SLC12A6: variants seen among roughly 807,000 people sequenced by gnomAD.
SLC12A6 encodes the protein K-Cl cotransporter 3.
SLC12A6 carries 66 observed loss-of-function variants against 135.3 expected under a neutral mutation model. The ratio of observed to expected loss-of-function variants is 0.49; its 90% CI spans 0.40 to 0.60. The LOEUF (loss-of-function observed/expected upper bound fraction) is 0.60, where lower values mean the gene tolerates loss of function less well. SLC12A6 is among the 20% of genes least tolerant of loss of function. SLC12A6 has a pLI of 0.00. For missense variants in SLC12A6, 1,058 were observed against 1,452.3 expected, an observed-to-expected ratio of 0.73 and a Z score of 4.41; for synonymous variants, 513 against 508.8, an observed-to-expected ratio of 1.01 and a Z score of -0.11.
chr15:34,267,751 C>A (rs1041548151), intron 3 of SLC12A6, among the ~76,000 whole-genome samples: 2 of 152,166 alleles, frequency 1.3e-5, no homozygotes, highest in Admixed American at 6.5e-5. Context: ...ACTGAGAATT[C>A]TTCTGTCATT....
intron 25 of SLC12A6, 130 bp downstream of exon 25, chr15:34,235,051 G>T: frequency 1.1e-6 from 1 of 877,276 alleles, no homozygotes; most frequent in Non-Finnish European, 1.9e-6. Context: ...CCTTGCCTAG[G>T]ACTTTTAAGT....
At chr15:34,271,388 T>A (rs62972861) in intron 3 of SLC12A6, among the ~76,000 whole-genome samples, 152 of 144,006 alleles carry the variant, frequency 1.1e-3, no homozygotes, top group African/African-American at 3.8e-3. Flanking sequence ...TTTTTTTTTT[T>A]AATCTCATGT....
At chr15:34,255,562 G>A (rs984192882) in intron 7 of SLC12A6, among the ~76,000 whole-genome samples, 170 bp from the exon 8 acceptor site, 1 of 150,940 alleles carries the variant, frequency 6.6e-6, no homozygotes, top group African/African-American at 2.4e-5. Context: ...AGGTGAAAGT[G>A]TTATTGTGGG....
intron 9 of SLC12A6, among the ~76,000 whole-genome samples, chr15:34,253,212 A>G (rs866929302): frequency 1.3e-5 from 2 of 152,346 alleles, no homozygotes; most frequent in African/African-American, 4.8e-5. Context: ...ACTCAGCTTC[A>G]ACAACTCTCA....
intron 2 of SLC12A6, among the ~76,000 whole-genome samples, chr15:34,286,324 C>G (rs1895076072): frequency 6.6e-6 from 1 of 151,836 alleles, no homozygotes; most frequent in Non-Finnish European, 1.5e-5. Context: ...GATCTGCCCA[C>G]CTCAGCCTCC....
intron 2 of SLC12A6, among the ~76,000 whole-genome samples, chr15:34,314,429 A>G (rs565158437): frequency 5.8e-4 from 88 of 152,348 alleles, no homozygotes; most frequent in African/African-American, 2.0e-3. Context: ...CTGCTCTTCA[A>G]CAATGCACTG....
At position 34,236,791 on chromosome 15, in the gene SLC12A6, T is replaced by C. The variant is rs1193595368; in HGVS notation, c.2959A>G (p.Thr987Ala). The C allele has an allele frequency of 6.2e-7, 1 of 1,607,212 alleles. No homozygotes were observed. The highest frequency in any genetic ancestry group is 8.5e-7 in the Non-Finnish European group (1 of 1,173,802). ...EMHDSDISAY[T>A]YERTLMMEQR... ...TCCATCATCAAAGTGCGCTCGTAAG[T>C]ATATGCTGATATATCACTGTCATGC... Residue 987 changes from threonine to alanine, a missense_variant, in exon 23 of 26, where the codon ACT (threonine) becomes GCT (alanine). Physicochemically the swap from Thr to Ala is moderately conservative, Grantham distance 58. Around this residue, in one of 6 missense-constraint regions of SLC12A6, gnomAD observed 245 missense variants for 440.8 expected, o/e 0.56. Transcript: ENST00000354181.
intron 2 of SLC12A6, among the ~76,000 whole-genome samples, chr15:34,297,876 C>T (rs923936726): frequency 2.6e-5 from 4 of 152,084 alleles, no homozygotes; most frequent in African/African-American, 9.7e-5. Flanking sequence ...GGCAAGGAAA[C>T]ATGAGTACAA....
chr15:34,249,606 G>C lies in SLC12A6; in HGVS notation c.1649+692C>G, dbSNP rs567076885. Among the ~76,000 whole-genome samples the C allele has an allele frequency of 1.3e-4, 20 of 152,070 alleles. No individual in the cohort carries two copies. In the South Asian group the frequency reaches 4.1e-3, roughly 32 times the overall value. Reference sequence around the variant, plus strand: ...GAAAAGAAAAGAAGAGAAGAGAAAAGAACAGAATATGAAGAAAGTAAGTTT... The same window carrying C: ...GAAAAGAAAAGAAGAGAAGAGAAAACAACAGAATATGAAGAAAGTAAGTTT... On this transcript the variant is annotated intron_variant, in intron 13 of 25. Transcript: ENST00000354181.
At position 34,330,097 on chromosome 15, in the gene SLC12A6, C is replaced by A. The variant is rs540391569; in HGVS notation, c.271+6313G>T. Among the ~76,000 whole-genome samples, 28 of 152,252 alleles carry A rather than the reference C, an allele frequency of 1.8e-4. 1 individual carries two copies. Among genetic ancestry groups the A allele is most frequent in the African/African-American group, 5.8e-4 (24 of 41,534 alleles). On this transcript the variant is annotated intron_variant, in intron 2 of 25. Transcript: ENST00000354181. ...CATGTACATGTTCAAATTTCCCCCA[C>A]TCGTCTCAAAAGTATCTTTTTTCAA...
intron 2 of SLC12A6, among the ~76,000 whole-genome samples, chr15:34,331,597 A>G (rs1384937969): frequency 6.6e-6 from 1 of 152,212 alleles, no homozygotes; most frequent in African/African-American, 2.4e-5. Flanking sequence ...ATGTATATTT[A>G]TGGTGTACAA....
chr15:34,263,301 T>TC (rs1387294554), intron 3 of SLC12A6, among the ~76,000 whole-genome samples: 1 of 152,024 alleles, frequency 6.6e-6, no homozygotes, highest in Non-Finnish European at 1.5e-5. Context: ...TGCTTATAGT[T>TC]CTAGCTATTC....
intron 21 of SLC12A6, among the ~76,000 whole-genome samples, chr15:34,237,904 C>T (rs534834617): frequency 3.3e-5 from 5 of 152,126 alleles, no homozygotes; most frequent in African/African-American, 7.2e-5. Flanking sequence ...ACGGAATGAG[C>T]GCATATATGC....
intron 2 of SLC12A6, among the ~76,000 whole-genome samples, chr15:34,333,873 C>G (rs1009566875): frequency 1.3e-4 from 20 of 151,758 alleles, no homozygotes; most frequent in Admixed American, 1.1e-3. Flanking sequence ...GAGTTTGAGA[C>G]CAGGTTGACT....
chr15:34,263,615 T>C (rs1893305514), intron 3 of SLC12A6, among the ~76,000 whole-genome samples: 1 of 151,988 alleles, frequency 6.6e-6, no homozygotes, highest in Non-Finnish European at 1.5e-5. Flanking sequence ...TGTTTCATTA[T>C]TATGCAAAAG....
chr15:34,302,172 A>G (rs1348381487), intron 2 of SLC12A6, among the ~76,000 whole-genome samples: 1 of 152,248 alleles, frequency 6.6e-6, no homozygotes, highest in African/African-American at 2.4e-5. Flanking sequence ...AACACTGAGA[A>G]GATGGTGAGA....
chr15:34,290,282 G>A (rs550580236), intron 2 of SLC12A6, among the ~76,000 whole-genome samples: 2 of 152,286 alleles, frequency 1.3e-5, no homozygotes, highest in Admixed American at 1.3e-4. Flanking sequence ...ATGTAGTTGC[G>A]TGGTTTTGAG....
chr15:34,317,669 T>C (rs1217961347), intron 2 of SLC12A6, among the ~76,000 whole-genome samples: 1 of 152,082 alleles, frequency 6.6e-6, no homozygotes, highest in African/African-American at 2.4e-5. Flanking sequence ...CCCCACTGCA[T>C]TCCAGCCTGG....
rs1891934292 is a variant in SLC12A6, at chr15:34,245,693, C to T, written c.1824G>A (p.Arg608=). 6.2e-7 allele frequency: 1 copy of T among 1,612,318 alleles called. No homozygotes were observed. The highest frequency in any genetic ancestry group is 2.2e-5 in the East Asian group (1 of 44,878). The change falls in exon 14 of 26, where the codon AGG becomes AGA. Residue 608 remains arginine (R), a splice_region_variant and synonymous_variant. Transcript: ENST00000354181. ...IAKDNIIPFL[R]VFGHSKANGE... ...GAGGGCATAATAAAAGGTCACTCAC[C>T]CTCAGAAACGGTATGATGTTATCCT...
Sources: gnomAD v4.1 joint callset for allele counts (sites outside exome capture counted in the v4.1 genomes callset) on GRCh38, gnomAD v4.1.1 for gene constraint, gnomAD v4.1.1 regional missense constraint, MANE v1.5 for transcripts, NCBI Gene and HGNC (gene_info 2026-07-23, HGNC 2026-07-21) for gene names.